The following SRCIN1 variants were observed in gnomAD, a reference collection of about 807,000 sequenced individuals.
The protein encoded by SRCIN1 is SRC kinase signaling inhibitor 1, also known as P130Cas-associated protein.
Under a neutral mutation model 116.2 loss-of-function variants are expected in SRCIN1, and 50 were observed. The ratio of observed to expected loss-of-function variants is 0.43; its 90% CI spans 0.34 to 0.54. SRCIN1 has a LOEUF of 0.54. SRCIN1 is among the 20% of genes least tolerant of loss of function. The pLI is 0.02. For synonymous variants in SRCIN1, 736 were observed against 750.0 expected (o/e 0.98, Z 0.30); for missense variants, 1,446 against 1,672.0 (o/e 0.86, Z 2.36).
intron 18 of SRCIN1, among the ~76,000 whole-genome samples, chr17:38,538,393 G>A: frequency 6.8e-6 from 1 of 146,340 alleles, no homozygotes; most frequent in Admixed American, 6.7e-5. Flanking sequence ...CTCCAGCCTG[G>A]GTGACAGAGT....
intron 17 of SRCIN1, chr17:38,546,594 A>G (rs1286857959): frequency 6.6e-6 from 1 of 152,362 alleles, no homozygotes; most frequent in Non-Finnish European, 1.5e-5. Flanking sequence ...GCCCCTCAGG[A>G]TGGGCTCCCA....
intron 3 of SRCIN1, among the ~76,000 whole-genome samples, chr17:38,567,347 C>T (rs1018440728): frequency 5.9e-5 from 9 of 152,248 alleles, no homozygotes; most frequent in Non-Finnish European, 8.8e-5. Flanking sequence ...TTCACCACTA[C>T]GCAGCCTGGC....
intron 17 of SRCIN1, among the ~76,000 whole-genome samples, chr17:38,546,178 C>T (rs1873062092): frequency 1.3e-5 from 2 of 152,248 alleles, no homozygotes; most frequent in South Asian, 4.1e-4. Flanking sequence ...CTCTGAGCAC[C>T]AGGCTTGTGC....
chr17:38,568,109 G>A lies in SRCIN1; in HGVS notation c.345+102C>T. The A allele has an allele frequency of 7.1e-7, 1 of 1,413,444 alleles. No individual in the cohort carries two copies. Among genetic ancestry groups the A allele is most frequent in the Non-Finnish European group, 9.9e-7 (1 of 1,010,958 alleles). 87.6% of individuals were successfully genotyped at this position (1,413,444 alleles called of 1,614,324 possible). On this transcript the variant is annotated intron_variant, in intron 3 of 18. Coordinates refer to ENST00000617146, the MANE Select transcript of SRCIN1 (RefSeq NM_025248.3). The surrounding 1 kb of genome is among the most constrained non-coding windows in gnomAD (Gnocchi z 4.5). ...ACCGCCCATACCAGAAGGTGTCCGT[G>A]CAGATGCGCACCCCGGTGCAAAGCC...
chr17:38,589,400 A>G (rs1682085703), intron 1 of SRCIN1, among the ~76,000 whole-genome samples: 1 of 152,196 alleles, frequency 6.6e-6, no homozygotes, highest in South Asian at 2.1e-4. Context: ...AGGTGGATGC[A>G]TCTCCAGCTT....
At chr17:38,540,111 A>AGGGGGT (rs2144892012) in intron 18 of SRCIN1, among the ~76,000 whole-genome samples, 1 of 151,882 alleles carries the variant, frequency 6.6e-6, no homozygotes, top group African/African-American at 2.4e-5. Context: ...CTAATAGAAG[A>AGGGGGT]GGGGGTGTCC....
Position 38,560,101 on chromosome 17 carries a change from T to C in SRCIN1, c.1794-4A>G. 1.3e-6 allele frequency: 2 copies of C among 1,548,572 alleles called. No homozygotes were observed. Among genetic ancestry groups the C allele is most frequent in the Non-Finnish European group, 1.7e-6 (2 of 1,146,152 alleles). On this transcript the variant is annotated splice_polypyrimidine_tract_variant and splice_region_variant and intron_variant, in intron 8 of 18. Transcript: ENST00000617146. ...ATTGGAGCCTTCAATCTTCTCGCTG[T>C]GGCACAGGGAAAAAAGCCATCAGGG...
At chr17:38,569,562 G>A (rs1906946411) in intron 2 of SRCIN1, among the ~76,000 whole-genome samples, 1 of 152,102 alleles carries the variant, frequency 6.6e-6, no homozygotes, top group African/African-American at 2.4e-5. Flanking sequence ...TTTGGGGTGG[G>A]GGTGACACTG....
At position 38,566,164 on chromosome 17, in the gene SRCIN1, G is replaced by A. The variant is rs1024774793; in HGVS notation, c.346-1851C>T. ...AAGAGTAGGGGGTGGCCATGGTGCCGGGGGGACACCAGTGAGATGCCAGTA... is the reference window on the plus strand; with the variant it reads ...AAGAGTAGGGGGTGGCCATGGTGCCAGGGGGACACCAGTGAGATGCCAGTA... On this transcript the variant is annotated intron_variant, in intron 3 of 18. Coordinates refer to ENST00000617146, the MANE Select transcript of SRCIN1 (RefSeq NM_025248.3). Among the ~76,000 whole-genome samples the A allele has an allele frequency of 3.9e-5, 6 of 152,112 alleles. No individual in the cohort carries two copies. The South Asian group carries it at 6.2e-4, about 16-fold the overall frequency.
At chr17:38,583,135 T>C (rs1322167981) in intron 1 of SRCIN1, among the ~76,000 whole-genome samples, 1 of 152,136 alleles carries the variant, frequency 6.6e-6, no homozygotes, top group African/African-American at 2.4e-5. Context: ...AGTGGCGCGA[T>C]TATGGCTCAG....
At chr17:38,566,855 G>C (rs1295864172) in intron 3 of SRCIN1, among the ~76,000 whole-genome samples, 2 of 85,966 alleles carry the variant, frequency 2.3e-5, no homozygotes, top group Non-Finnish European at 2.4e-5. Context: ...GTTTTGTTTT[G>C]TTTTGTTTCG....
Position 38,549,126 on chromosome 17 carries a change from G to T in SRCIN1, c.3047C>A (p.Ser1016Tyr). 1 of 1,608,494 alleles carries T rather than the reference G, an allele frequency of 6.2e-7. No individual in the cohort carries two copies. Residue 1016 changes from serine (S) to tyrosine (Y), a missense_variant, in exon 16 of 19, where the codon TCC (serine) becomes TAC (tyrosine). This residue lies in a region of SRCIN1 where 531 missense variants were observed against 633.9 expected (regional missense o/e 0.84). Transcript: ENST00000617146. Reference sequence around the variant, plus strand: ...GGTACGTGTGGTGGTCAGGCCATGGGAGGAGGGGAAGCTCCGGCGGGGAGG... The same window carrying T: ...GGTACGTGTGGTGGTCAGGCCATGGTAGGAGGGGAAGCTCCGGCGGGGAGG... ...PPPPRRSFPS[S>Y]HGLTTTRTGE...
intron 1 of SRCIN1, among the ~76,000 whole-genome samples, chr17:38,581,842 G>A (rs1344671402): frequency 2.0e-5 from 3 of 152,148 alleles, no homozygotes; most frequent in Admixed American, 6.5e-5. Context: ...TTCCCTGGGC[G>A]CTGGAGAAAT....
In SRCIN1 at chr17:38,602,008, G is replaced by A. The variant is rs527506170; in HGVS notation, c.22+3676C>T. Among the ~76,000 whole-genome samples, 247 of 152,274 alleles carry A rather than the reference G, an allele frequency of 1.6e-3. No homozygotes were observed. Among genetic ancestry groups the A allele is most frequent in the Non-Finnish European group, 2.8e-3 (193 of 68,020 alleles). On this transcript the variant is annotated intron_variant, in intron 1 of 18. Coordinates refer to ENST00000617146, the MANE Select transcript of SRCIN1 (RefSeq NM_025248.3). The surrounding 1 kb of genome is among the most constrained non-coding windows in gnomAD (Gnocchi z 4.2). ...AGGAATGGGAAGACGGAAAGGCACA[G>A]AGGAGAGATGGGGGAGGGGCGAAGA...
chr17:38,534,662 T>A (rs947696804), intron 18 of SRCIN1, among the ~76,000 whole-genome samples: 1 of 152,152 alleles, frequency 6.6e-6, no homozygotes, highest in Non-Finnish European at 1.5e-5. Context: ...GAGGAGAAGC[T>A]AGAGTCTAAA....
At chr17:38,542,059 G>GA (rs200268384) in intron 18 of SRCIN1, 6 of 151,342 alleles carry the variant, frequency 4.0e-5, no homozygotes, top group African/African-American at 1.2e-4. Flanking sequence ...GTGTGGGGGG[G>GA]GTCTACAAGG....
chr17:38,548,452 C>T, intron 17 of SRCIN1, 105 bp downstream of exon 17: 2 of 1,418,702 alleles, frequency 1.4e-6, no homozygotes, highest in Non-Finnish European at 1.9e-6. Context: ...CGCAGGGAGC[C>T]CGAGAGCCCA....
Position 38,552,614 on chromosome 17 carries a change from T to A in SRCIN1, c.2333-20A>T. On this transcript the variant is annotated intron_variant, in intron 12 of 18. Coordinates refer to ENST00000617146, the MANE Select transcript of SRCIN1 (RefSeq NM_025248.3). The surrounding 1 kb of genome is among the most constrained non-coding windows in gnomAD (Gnocchi z 5.3). ...AGTGAGCTGAGGAGACAGGAAGGCA[T>A]GAGCTGGGGCCAGAGGGAGCACCAC... 6.2e-7 allele frequency: 1 copy of A among 1,612,800 alleles called. No homozygotes were observed. Among genetic ancestry groups the A allele is most frequent in the Middle Eastern group, 1.7e-4 (1 of 6,058 alleles).
chr17:38,566,775 T>A (rs1055004048), intron 3 of SRCIN1, among the ~76,000 whole-genome samples: 2 of 152,204 alleles, frequency 1.3e-5, no homozygotes, highest in Non-Finnish European at 2.9e-5. Flanking sequence ...TAGTAGCTAA[T>A]GAGGTCAGCT....
Sources: allele counts gnomAD v4.1 joint callset (sites outside exome capture counted in the v4.1 genomes callset), GRCh38; gene constraint gnomAD v4.1.1; regional missense constraint gnomAD v4.1.1; non-coding constraint Gnocchi (gnomAD v3.1); transcripts MANE v1.5; gene names NCBI Gene and HGNC (gene_info 2026-07-23, HGNC 2026-07-21).